TANC2: variants seen among roughly 807,000 people sequenced by gnomAD.
TANC2 encodes the protein protein TANC2.
Under a neutral mutation model 210.5 loss-of-function variants are expected in TANC2, and 26 were observed. That is an observed-to-expected ratio of 0.12 (90% CI 0.09 to 0.17). TANC2 has a LOEUF of 0.17. TANC2 is among the 10% of genes least tolerant of loss of function. The pLI, the probability that TANC2 is intolerant of heterozygous loss-of-function variation, is 1.00. For missense variants in TANC2, 2,129 were observed against 2,608.9 expected, an observed-to-expected ratio of 0.82 and a Z score of 4.01; for synonymous variants, 931 against 967.1, an observed-to-expected ratio of 0.96 and a Z score of 0.69.
At chr17:63,331,365 A>C (rs959824405) in intron 11 of TANC2, among the ~76,000 whole-genome samples, 1 of 152,234 alleles carries the variant, frequency 6.6e-6, no homozygotes, top group Non-Finnish European at 1.5e-5. Context: ...CAAATGGTCT[A>C]AAGGCTTTTA....
At chr17:63,105,304 A>G (rs1252770043) in intron 4 of TANC2, among the ~76,000 whole-genome samples, 1 of 151,766 alleles carries the variant, frequency 6.6e-6, no homozygotes, top group Non-Finnish European at 1.5e-5. Flanking sequence ...AACTGATTTG[A>G]TCATGCTGAG....
chr17:63,112,046 T>C (rs985072591), intron 4 of TANC2, among the ~76,000 whole-genome samples: 14 of 152,266 alleles, frequency 9.2e-5, no homozygotes, highest in South Asian at 6.2e-4. Context: ...TTTTAATCTA[T>C]ACCCTCAAAC....
chr17:63,213,814 A>C (rs1008122309), intron 7 of TANC2, among the ~76,000 whole-genome samples: 1 of 152,212 alleles, frequency 6.6e-6, no homozygotes, highest in Non-Finnish European at 1.5e-5. Flanking sequence ...CTTAATAATG[A>C]CTTGAACATT....
chr17:63,100,414 G>C (rs927177696), intron 4 of TANC2, among the ~76,000 whole-genome samples: 1 of 152,008 alleles, frequency 6.6e-6, no homozygotes, highest in Non-Finnish European at 1.5e-5. Flanking sequence ...TTGGCCGTTA[G>C]ATACTTCAGT....
intron 8 of TANC2, among the ~76,000 whole-genome samples, chr17:63,266,533 CCCTT>C (rs1408580585): frequency 3.9e-5 from 6 of 152,174 alleles, no homozygotes; most frequent in African/African-American, 1.4e-4. Context: ...GAGCTGTCTC[CCCTT>C]CCTTTTTTGC....
intron 4 of TANC2, among the ~76,000 whole-genome samples, chr17:63,140,209 C>A (rs2039238733): frequency 6.6e-6 from 1 of 152,196 alleles, no homozygotes; most frequent in Non-Finnish European, 1.5e-5. Flanking sequence ...TTAGCTGATA[C>A]TAGCCGCACA....
intron 3 of TANC2, among the ~76,000 whole-genome samples, chr17:63,087,739 C>T (rs1168866347): frequency 7.2e-5 from 11 of 152,160 alleles, no homozygotes; most frequent in Admixed American, 7.2e-4. Context: ...ATTTCTCAGG[C>T]TTGTCTGCCT....
chr17:63,205,314 G>A (rs1466913819), intron 7 of TANC2, among the ~76,000 whole-genome samples: 1 of 60,916 alleles, frequency 1.6e-5, no homozygotes, highest in African/African-American at 7.1e-5. Context: ...GTTAAAAACT[G>A]TAAAACTGCT....
chr17:63,326,756 ACTT>A (rs1273637804), intron 11 of TANC2, among the ~76,000 whole-genome samples: 1 of 152,060 alleles, frequency 6.6e-6, no homozygotes, highest in African/African-American at 2.4e-5. Context: ...CAAAAAAAAA[ACTT>A]CTAATGTTGC....
intron 7 of TANC2, among the ~76,000 whole-genome samples, chr17:63,223,245 G>T (rs755690811): frequency 5.8e-4 from 88 of 152,256 alleles, no homozygotes; most frequent in Non-Finnish European, 7.5e-4. Flanking sequence ...TTTGATGCAG[G>T]TGCACCCCAA....
chr17:63,387,384 C>T (rs984130955), intron 15 of TANC2, among the ~76,000 whole-genome samples: 1 of 152,126 alleles, frequency 6.6e-6, no homozygotes, highest in South Asian at 2.1e-4. Context: ...ATGGGAAGAC[C>T]TTGACCACCA....
intron 8 of TANC2, among the ~76,000 whole-genome samples, chr17:63,238,799 G>A (rs956803247): frequency 6.6e-6 from 1 of 152,154 alleles, no homozygotes; most frequent in African/African-American, 2.4e-5. Flanking sequence ...ATGGCAGAAG[G>A]CAAAGGAGGA....
chr17:63,289,384 G>A lies in TANC2; in HGVS notation c.1159+21511G>A, dbSNP rs912866273. On this transcript the variant is annotated intron_variant, in intron 9 of 27. Coordinates refer to ENST00000689528, the Ensembl canonical transcript of TANC2. ...GTTTTTTTCAGTCTTCGTTCTCTTC[G>A]TTTTTCAGTTTTGAAAGTTTCTGTT... 6.0e-5 allele frequency among the ~76,000 whole-genome samples: 9 copies of A among 150,994 alleles called. No homozygotes were observed. In the East Asian group the frequency reaches 1.2e-3, roughly 20 times the overall value.
chr17:63,200,195 A>C (rs2145792616), intron 6 of TANC2, among the ~76,000 whole-genome samples: 1 of 152,226 alleles, frequency 6.6e-6, no homozygotes, highest in African/African-American at 2.4e-5. Context: ...ATCTCTACTA[A>C]AAATACAAAA....
intron 9 of TANC2, among the ~76,000 whole-genome samples, chr17:63,287,611 A>T (rs777883017): frequency 1.3e-5 from 2 of 152,030 alleles, no homozygotes; most frequent in East Asian, 3.9e-4. Context: ...CCACAGCAGC[A>T]TGTATTCCAG....
chr17:63,303,421 C>T (rs1482640520), intron 9 of TANC2, among the ~76,000 whole-genome samples: 1 of 152,120 alleles, frequency 6.6e-6, no homozygotes, highest in Non-Finnish European at 1.5e-5. Context: ...TGAATATTGG[C>T]CCCCACTGTC....
intron 4 of TANC2, among the ~76,000 whole-genome samples, chr17:63,111,503 A>G (rs965421706): frequency 2.0e-5 from 3 of 152,108 alleles, no homozygotes; most frequent in Non-Finnish European, 4.4e-5. Flanking sequence ...TTCAAAACAT[A>G]GCTCTTCTCA....
At chr17:63,362,962 G>T (rs1430340197) in intron 14 of TANC2, among the ~76,000 whole-genome samples, 1 of 152,096 alleles carries the variant, frequency 6.6e-6, no homozygotes, top group African/African-American at 2.4e-5. Context: ...TCTCCATATT[G>T]ATTGCACTAA....
At chr17:63,036,782 C>T (rs2034988654) in intron 2 of TANC2, among the ~76,000 whole-genome samples, 1 of 150,872 alleles carries the variant, frequency 6.6e-6, no homozygotes, top group Admixed American at 6.6e-5. Context: ...TGATATTTTT[C>T]ATCAGCATTT....
Sources: gnomAD v4.1 joint callset for allele counts (sites outside exome capture counted in the v4.1 genomes callset) on GRCh38, gnomAD v4.1.1 for gene constraint, MANE v1.5 for transcripts, NCBI Gene and HGNC (gene_info 2026-07-23, HGNC 2026-07-21) for gene names.